The following ANK3 variants were observed in gnomAD, a reference collection of about 807,000 sequenced individuals.
The protein encoded by ANK3 is ankyrin-3.
ANK3 carries 57 observed loss-of-function variants against 370.9 expected under a neutral mutation model. The observed-to-expected ratio is 0.15, with a 90% CI of 0.12 to 0.19. The LOEUF (loss-of-function observed/expected upper bound fraction) is 0.19. Ranked by LOEUF, ANK3 falls within the 10% of genes least tolerant of loss-of-function variation. The pLI, the probability that ANK3 is intolerant of heterozygous loss-of-function variation, is 1.00. For missense variants in ANK3, 4,439 were observed against 5,302.1 expected, an observed-to-expected ratio of 0.84 and a Z score of 5.06; for synonymous variants, 1,929 against 1,946.3, an observed-to-expected ratio of 0.99 and a Z score of 0.23.
At chr10:60,409,480 T>C (rs539520108) in intron 2 of ANK3, among the ~76,000 whole-genome samples, 2 of 152,220 alleles carry the variant, frequency 1.3e-5, no homozygotes, top group African/African-American at 2.4e-5. Context: ...CATAAAGAAG[T>C]TGGCTGATTC....
chr10:60,099,677 C>T (rs2090825482), intron 28 of ANK3, among the ~76,000 whole-genome samples: 1 of 152,152 alleles, frequency 6.6e-6, no homozygotes, highest in South Asian at 2.1e-4. Context: ...TTGTTTAAGC[C>T]ATTACTGTTA....
At chr10:60,054,221 G>A (rs1318396921) in intron 42 of ANK3, among the ~76,000 whole-genome samples, 1 of 152,138 alleles carries the variant, frequency 6.6e-6, no homozygotes, top group East Asian at 1.9e-4. Context: ...ATACCACTAT[G>A]TTATTGCTTC....
chr10:60,290,290 G>A lies in ANK3; in HGVS notation c.115-10651C>T, dbSNP rs144083619. On this transcript the variant is annotated intron_variant, in intron 1 of 43. Transcript: ENST00000280772. ...CATTATTTTCAAGTATGTGTTTTGG[G>A]TGTGGAGATCTTAAATAAAGGGGAA... Among the ~76,000 whole-genome samples the A allele has an allele frequency of 1.4e-3, 210 of 152,258 alleles. 1 individual carries two copies. Among genetic ancestry groups the A allele is most frequent in the Non-Finnish European group, 2.1e-3 (140 of 68,014 alleles).
At chr10:60,304,555 A>G (rs2044560645) in intron 1 of ANK3, among the ~76,000 whole-genome samples, 1 of 152,158 alleles carries the variant, frequency 6.6e-6, no homozygotes, top group African/African-American at 2.4e-5. Flanking sequence ...AGGCAGAAGC[A>G]TCACTTGAAC....
rs144275640 is a variant in ANK3 at position 60,036,829 on chromosome 10, C to T, written c.*19+5843G>A. Among the ~76,000 whole-genome samples, 243 of 152,278 alleles carry T rather than the reference C, an allele frequency of 1.6e-3. 1 individual carries two copies. Among genetic ancestry groups the T allele is most frequent in the Admixed American group, 3.1e-3 (47 of 15,284 alleles). Reference sequence around the variant, plus strand: ...CTTCAGTTTTCTCCCTAGGTAATCACATCTGTTCACTGGTATTCAATACCC... The same window carrying T: ...CTTCAGTTTTCTCCCTAGGTAATCATATCTGTTCACTGGTATTCAATACCC... On this transcript the variant is annotated intron_variant, in intron 43 of 43. Transcript: ENST00000280772.
intron 8 of ANK3, among the ~76,000 whole-genome samples, chr10:60,223,288 A>G (rs1174903177): frequency 1.3e-5 from 2 of 152,178 alleles, no homozygotes; most frequent in Non-Finnish European, 2.9e-5. Context: ...TTTTCTATTT[A>G]CTGACCTCAA....
At chr10:60,688,809 A>G (rs10994471) in intron 1 of ANK3, among the ~76,000 whole-genome samples, 101,942 of 151,840 alleles carry the variant, frequency 0.67, 34,371 homozygotes, top group South Asian at 0.83. Context: ...TCAGCTGGAC[A>G]TGGTGGCATG....
intron 1 of ANK3, among the ~76,000 whole-genome samples, chr10:60,284,795 TG>T (rs551623997): frequency 6.6e-6 from 1 of 151,520 alleles, no homozygotes. Context: ...TAAACTTTTC[TG>T]GGGGGCGGGG....
chr10:60,444,454 A>G (rs2064386977), intron 2 of ANK3, among the ~76,000 whole-genome samples: 1 of 150,904 alleles, frequency 6.6e-6, no homozygotes, highest in Admixed American at 6.6e-5. Flanking sequence ...GTATATATAT[A>G]TATATATATA....
chr10:60,256,420 T>C (rs1007837864), intron 7 of ANK3, among the ~76,000 whole-genome samples: 10 of 152,236 alleles, frequency 6.6e-5, no homozygotes, highest in African/African-American at 1.9e-4. Context: ...CCATGGATAC[T>C]GTTTTGCTCA....
chr10:60,486,109 C>A (rs1237322801), intron 2 of ANK3, among the ~76,000 whole-genome samples: 3 of 152,180 alleles, frequency 2.0e-5, no homozygotes, highest in African/African-American at 7.2e-5. Context: ...GACTGACCCA[C>A]ACACTAGAAG....
At chr10:60,337,894 AG>A (rs2053386166) in intron 1 of ANK3, among the ~76,000 whole-genome samples, 2 of 152,342 alleles carry the variant, frequency 1.3e-5, no homozygotes, top group African/African-American at 4.8e-5. Flanking sequence ...ATGACTGGCC[AG>A]TGAAGAAGCA....
chr10:60,116,094 T>C (rs888938591), intron 25 of ANK3, among the ~76,000 whole-genome samples: 4 of 152,066 alleles, frequency 2.6e-5, no homozygotes, highest in African/African-American at 4.8e-5. Flanking sequence ...ATCCCCTCAG[T>C]TGTCAAATAA....
In ANK3 at chr10:60,055,772, C is replaced by A. The variant is rs866933717; in HGVS notation, c.12951G>T (p.Glu4317Asp). The stretch of plus-strand genomic sequence containing the variant: ...TACTGACAGGCACACAGGGTTTAGT[C>A]TCTTCTATTATAAGCTTGCTGGTTT... ...LEETSKLIIEETKPCVPVSMK... is the reference protein window; with the variant it reads ...LEETSKLIIEDTKPCVPVSMK... The change falls in exon 42 of 44, where the codon GAG becomes GAT. Residue 4317 changes from glutamate (E) to aspartate (D), a missense_variant. Physicochemically the swap from Glu to Asp is conservative, Grantham distance 45 (BLOSUM62 2). Around this residue, in one of 13 missense-constraint regions of ANK3, gnomAD observed 242 missense variants for 228.0 expected, o/e 1.06. Coordinates refer to ENST00000280772, the MANE Select transcript of ANK3 (RefSeq NM_020987.5). The A allele has an allele frequency of 6.2e-7, 1 of 1,614,152 alleles. No homozygotes were observed. Among genetic ancestry groups the A allele is most frequent in the Non-Finnish European group, 8.5e-7 (1 of 1,180,014 alleles).
chr10:60,701,312 A>G (rs571433473), intron 1 of ANK3, among the ~76,000 whole-genome samples: 3 of 152,280 alleles, frequency 2.0e-5, no homozygotes, highest in East Asian at 3.9e-4. Context: ...TACAGTCTCA[A>G]TGAAAGGGAA....
At chr10:60,254,659 C>T (rs12413208) in intron 7 of ANK3, among the ~76,000 whole-genome samples, 22,813 of 152,220 alleles carry the variant, frequency 0.15, 1,821 homozygotes, top group South Asian at 0.2. Context: ...AATAAACTTG[C>T]CCCTCTGCCT....
At position 60,226,795 on chromosome 10, in the gene ANK3, G is replaced by A. The variant is rs1350775891; in HGVS notation, c.897+7893C>T. Among the ~76,000 whole-genome samples, 3 of 145,954 alleles carry A rather than the reference G, an allele frequency of 2.1e-5. No homozygotes were observed. In the Admixed American group the frequency reaches 2.1e-4, roughly 10 times the overall value. On this transcript the variant is annotated intron_variant, in intron 8 of 43. Coordinates refer to ENST00000280772, the MANE Select transcript of ANK3 (RefSeq NM_020987.5). ...ATACTGAATTAATATACCACTTTAT[G>A]TATAACAAGAATTCTGCCATATTAT...
rs376356885 is a variant in ANK3, at chr10:60,079,225, A to ACACACC, written c.4432+1311_4432+1312insGGTGTG. Reference sequence around the variant, plus strand: ...CACACACACACACACACACACACACACCCCTCTTCTGCTCTGTAGCATAAT... The same window carrying ACACACC: ...CACACACACACACACACACACACACACACACCCCCCTCTTCTGCTCTGTAGCATAAT... On this transcript the variant is annotated intron_variant, in intron 36 of 43. Coordinates refer to ENST00000280772, the MANE Select transcript of ANK3 (RefSeq NM_020987.5). 3.6e-3 allele frequency among the ~76,000 whole-genome samples: 510 copies of ACACACC among 142,664 alleles called. 4 individuals carry two copies. Among genetic ancestry groups the ACACACC allele is most frequent in the African/African-American group, 0.012 (452 of 37,570 alleles). The allele number at this position is 142,664 out of a possible 152,430, so 93.6% of individuals were successfully genotyped here.
intron 1 of ANK3, among the ~76,000 whole-genome samples, chr10:60,637,553 A>T (rs1460727889): frequency 6.6e-6 from 1 of 152,226 alleles, no homozygotes; most frequent in Non-Finnish European, 1.5e-5. Context: ...ACAAAGATAT[A>T]GCTGGATATA....
Sources: allele counts gnomAD v4.1 joint callset (sites outside exome capture counted in the v4.1 genomes callset), GRCh38; gene constraint gnomAD v4.1.1; regional missense constraint gnomAD v4.1.1; transcripts MANE v1.5; gene names NCBI Gene and HGNC (gene_info 2026-07-23, HGNC 2026-07-21).